The following ARMC8 variants were observed in gnomAD, a reference collection of about 807,000 sequenced individuals.
ARMC8 encodes the protein armadillo repeat containing 8, also known as armadillo repeat-containing protein 8.
A neutral mutation model predicts 99.3 loss-of-function variants in ARMC8; 20 were observed. The ratio of observed to expected loss-of-function variants is 0.20; its 90% CI spans 0.14 to 0.29. The LOEUF is 0.29. Among genes scored for constraint, ARMC8 ranks in the 10% least tolerant of loss-of-function variants. ARMC8 has a pLI of 1.00. For missense variants in ARMC8, 569 were observed against 809.5 expected (o/e 0.70, Z 3.60); for synonymous variants, 263 against 278.3 (o/e 0.95, Z 0.55).
chr3:138,239,573 T>TG (rs1488030455), intron 10 of ARMC8, 45 bp downstream of exon 10: 2 of 1,277,838 alleles, frequency 1.6e-6, no homozygotes, highest in South Asian at 2.7e-5. Context: ...TATCCAGTTA[T>TG]GTGTTAAATA....
chr3:138,218,109 C>T (rs962799642), intron 2 of ARMC8, among the ~76,000 whole-genome samples: 2 of 152,070 alleles, frequency 1.3e-5, no homozygotes, highest in East Asian at 1.9e-4. Context: ...ATAATGTAGT[C>T]AGTGCTCTGA....
intron 5 of ARMC8, among the ~76,000 whole-genome samples, chr3:138,225,945 T>C (rs1315179760): frequency 6.6e-6 from 1 of 152,192 alleles, no homozygotes; most frequent in African/African-American, 2.4e-5. Flanking sequence ...GTGAGATTTA[T>C]GGGTCACCTC....
intron 1 of ARMC8, among the ~76,000 whole-genome samples, chr3:138,193,879 A>T (rs1194610915): frequency 6.6e-6 from 1 of 152,210 alleles, no homozygotes; most frequent in African/African-American, 2.4e-5. Flanking sequence ...ACGCTCTGTG[A>T]AAGACCCTGT....
At chr3:138,221,723 C>T (rs1559944618) in intron 2 of ARMC8, among the ~76,000 whole-genome samples, 1 of 152,136 alleles carries the variant, frequency 6.6e-6, no homozygotes, top group Non-Finnish European at 1.5e-5. Flanking sequence ...CTCAGGATAT[C>T]TCTCACTTTC....
chr3:138,239,813 G>A lies in ARMC8; in HGVS notation c.837+285G>A, dbSNP rs2046520633. 4.6e-5 allele frequency among the ~76,000 whole-genome samples: 7 copies of A among 152,244 alleles called. No individual in the cohort carries two copies. In the South Asian group the frequency reaches 1.4e-3, roughly 32 times the overall value. ...GGAAATTGTAAAAGTGTACAATTCAGGTGAAACAGAAAATATATTTCGTTC... is the reference window on the plus strand; with the variant it reads ...GGAAATTGTAAAAGTGTACAATTCAAGTGAAACAGAAAATATATTTCGTTC... On this transcript the variant is annotated intron_variant, in intron 10 of 21. Coordinates refer to ENST00000469044, the MANE Select transcript of ARMC8 (RefSeq NM_001363941.2).
chr3:138,198,251 G>A (rs982631300), intron 1 of ARMC8, among the ~76,000 whole-genome samples: 21 of 151,870 alleles, frequency 1.4e-4, no homozygotes, highest in Admixed American at 9.2e-4. Context: ...TAATCTAACT[G>A]TGCCCTGGCT....
At chr3:138,294,226 G>A (rs554887568) in intron 21 of ARMC8, among the ~76,000 whole-genome samples, 47 of 152,142 alleles carry the variant, frequency 3.1e-4, no homozygotes, top group Non-Finnish European at 5.4e-4. Context: ...TCCTTTTGTC[G>A]TTAAGACTTT....
In ARMC8 at chr3:138,245,201, G is replaced by A. The variant is rs890703927; in HGVS notation, c.1134+18G>A. 2 of 1,614,216 alleles carry A rather than the reference G, an allele frequency of 1.2e-6. No homozygotes were observed. The highest frequency in any genetic ancestry group is 8.5e-7 in the Non-Finnish European group (1 of 1,180,042). ...GGAAGAAGGTGAGTCTGGGAGAGGG[G>A]CGTCCCCCAGTCCTGACAGCCAGCA... On this transcript the variant is annotated intron_variant, in intron 12 of 21. Transcript: ENST00000469044.
chr3:138,275,449 C>G (rs1222156574), intron 18 of ARMC8, among the ~76,000 whole-genome samples: 1 of 152,110 alleles, frequency 6.6e-6, no homozygotes, highest in African/African-American at 2.4e-5. Flanking sequence ...GTCCCAACTA[C>G]TGGGGAGGCT....
chr3:138,268,918 C>G (rs2048528981), intron 15 of ARMC8, among the ~76,000 whole-genome samples: 1 of 152,066 alleles, frequency 6.6e-6, no homozygotes, highest in Admixed American at 6.5e-5. Context: ...TTTATTATTA[C>G]CTTTCCTGAA....
intron 16 of ARMC8, among the ~76,000 whole-genome samples, chr3:138,272,207 G>A (rs1338774032): frequency 7.9e-5 from 12 of 152,118 alleles, no homozygotes; most frequent in Non-Finnish European, 5.9e-5. Flanking sequence ...CCATAGTATT[G>A]TGAACACAAG....
intron 16 of ARMC8, among the ~76,000 whole-genome samples, chr3:138,272,654 A>G (rs972951241): frequency 1.3e-5 from 2 of 152,204 alleles, no homozygotes; most frequent in African/African-American, 4.8e-5. Flanking sequence ...AAGCAAGTGG[A>G]TCACGAGGTC....
At chr3:138,285,947 A>G (rs928699305) in intron 19 of ARMC8, among the ~76,000 whole-genome samples, 1 of 151,944 alleles carries the variant, frequency 6.6e-6, no homozygotes, top group Admixed American at 6.6e-5. Flanking sequence ...GACAAAGCCA[A>G]ACTTCTTTTT....
At chr3:138,215,069 G>T (rs1026776647) in intron 2 of ARMC8, among the ~76,000 whole-genome samples, 1 of 152,178 alleles carries the variant, frequency 6.6e-6, no homozygotes, top group Middle Eastern at 3.2e-3. Flanking sequence ...TTTGGTCAGA[G>T]AATTCGATAG....
chr3:138,260,480 C>T (rs1337904873), intron 12 of ARMC8, among the ~76,000 whole-genome samples: 2 of 152,212 alleles, frequency 1.3e-5, no homozygotes, highest in African/African-American at 4.8e-5. Context: ...TATTTCTGAT[C>T]ATCACCCTAT....
chr3:138,242,309 G>A (rs2046666059), intron 11 of ARMC8, among the ~76,000 whole-genome samples: 1 of 152,034 alleles, frequency 6.6e-6, no homozygotes, highest in Non-Finnish European at 1.5e-5. Flanking sequence ...AATCATCTCT[G>A]TTGTTACATT....
Position 138,224,050 on chromosome 3 carries a change from G to A in ARMC8, c.435+317G>A, listed in dbSNP as rs570533400. The stretch of plus-strand genomic sequence containing the variant: ...CTCGGCTCACTGCAACCTTCACCCT[G>A]CCAGGTTTAAGCATTTCTCTGCCTC... On this transcript the variant is annotated intron_variant, in intron 5 of 21. Transcript: ENST00000469044. Among the ~76,000 whole-genome samples the A allele has an allele frequency of 6.2e-5, 9 of 145,554 alleles. No homozygotes were observed. In the South Asian group the frequency reaches 8.6e-4, roughly 14 times the overall value.
intron 1 of ARMC8, among the ~76,000 whole-genome samples, chr3:138,207,390 T>C (rs919763237): frequency 1.3e-5 from 2 of 152,240 alleles, no homozygotes; most frequent in Admixed American, 6.5e-5. Context: ...AAATTTATTT[T>C]TAATGCTTTC....
intron 2 of ARMC8, among the ~76,000 whole-genome samples, chr3:138,219,799 A>C (rs77984858): frequency 6.6e-6 from 1 of 152,078 alleles, no homozygotes; most frequent in African/African-American, 2.4e-5. Context: ...TGTTGCCATC[A>C]GTTACCTCCT....
Sources: allele counts gnomAD v4.1 joint callset (sites outside exome capture counted in the v4.1 genomes callset), GRCh38; gene constraint gnomAD v4.1.1; transcripts MANE v1.5; gene names NCBI Gene and HGNC (gene_info 2026-07-23, HGNC 2026-07-21).